Variants in TNRC6B observed in about 807,000 individuals in gnomAD.
The protein encoded by TNRC6B is trinucleotide repeat containing adaptor 6B, also known as trinucleotide repeat-containing gene 6B protein.
In TNRC6B, 52 loss-of-function variants were observed where a neutral mutation model predicts 203.6. The observed-to-expected ratio is 0.26, with a 90% CI of 0.20 to 0.32. TNRC6B has a LOEUF of 0.32. Ranked by LOEUF, TNRC6B falls within the 10% of genes least tolerant of loss-of-function variation. The pLI is 1.00. For synonymous variants in TNRC6B, 838 were observed against 845.7 expected (o/e 0.99, Z 0.16); for missense variants, 1,923 against 2,286.2 (o/e 0.84, Z 3.24).
In TNRC6B at chr22:40,051,183, C is replaced by T. The variant is rs867873989; in HGVS notation, c.-121+6185C>T. Among the ~76,000 whole-genome samples the T allele has an allele frequency of 3.3e-5, 5 of 152,292 alleles. No homozygotes were observed. In the Middle Eastern group the frequency reaches 0.01, roughly 311 times the overall value. Reference sequence around the variant, plus strand: ...CAGTGTCTCCTCTGGGACTTGATCTCACTGTTGGAAGTCTTGCCACAGTGA... The same window carrying T: ...CAGTGTCTCCTCTGGGACTTGATCTTACTGTTGGAAGTCTTGCCACAGTGA... On this transcript the variant is annotated intron_variant, in intron 1 of 23. Transcript: ENST00000301923.
chr22:40,101,299 C>T (rs1186847844), intron 1 of TNRC6B, among the ~76,000 whole-genome samples: 1 of 152,054 alleles, frequency 6.6e-6, no homozygotes, highest in Non-Finnish European at 1.5e-5. Context: ...GCCCCTGCTT[C>T]TTTAAATAAC....
chr22:40,157,374 T>C (rs1414226288), intron 4 of TNRC6B, among the ~76,000 whole-genome samples: 1 of 152,178 alleles, frequency 6.6e-6, no homozygotes, highest in Non-Finnish European at 1.5e-5. Flanking sequence ...AGAAAATAGT[T>C]TAATTTTGGT....
chr22:40,179,916 C>T (rs775948807), intron 1 of TNRC6B, among the ~76,000 whole-genome samples: 1 of 152,146 alleles, frequency 6.6e-6, no homozygotes, highest in Non-Finnish European at 1.5e-5. Context: ...CTGTCTCTAA[C>T]AAGCAAGGAT....
At chr22:40,106,571 T>C in intron 1 of TNRC6B, 1 of 729,496 alleles carries the variant, frequency 1.4e-6, no homozygotes, top group Non-Finnish European at 2.5e-6. Context: ...AGCAATTCGC[T>C]TCTTACTGAA....
intron 1 of TNRC6B, among the ~76,000 whole-genome samples, chr22:40,062,036 T>A (rs2067857886): frequency 6.6e-6 from 1 of 152,074 alleles, no homozygotes; most frequent in Non-Finnish European, 1.5e-5. Flanking sequence ...ATTGTGCCAT[T>A]ACGCTCCAGC....
chr22:40,202,745 C>T (rs1278880769), intron 1 of TNRC6B, among the ~76,000 whole-genome samples: 1 of 152,044 alleles, frequency 6.6e-6, no homozygotes, highest in African/African-American at 2.4e-5. Flanking sequence ...CGAGTGCCTG[C>T]TGGAAGAGGG....
chr22:40,151,066 CAA>C (rs1161920110), intron 3 of TNRC6B, among the ~76,000 whole-genome samples: 1 of 152,114 alleles, frequency 6.6e-6, no homozygotes, highest in African/African-American at 2.4e-5. Context: ...TGACCAAAGA[CAA>C]AAGAGGAACT....
chr22:40,129,048 G>A lies in TNRC6B; in HGVS notation c.45+3186G>A, dbSNP rs1304368920. On this transcript the variant is annotated intron_variant, in intron 3 of 23. Coordinates refer to the TNRC6B transcript ENST00000301923. ...TAGTCAAGGAAGGTCTCTCTGAGAC[G>A]GGGACATTTCAGCTGAAGCTAATGG... is the stretch of plus-strand genomic sequence containing the variant. 3.3e-5 allele frequency among the ~76,000 whole-genome samples: 5 copies of A among 152,342 alleles called. No individual in the cohort carries two copies. In the East Asian group the frequency reaches 5.8e-4, roughly 18 times the overall value.
intron 1 of TNRC6B, among the ~76,000 whole-genome samples, chr22:40,094,028 A>G (rs1014368701): frequency 4.6e-5 from 7 of 152,190 alleles, no homozygotes; most frequent in South Asian, 2.1e-4. Context: ...TGATCATTAC[A>G]TGTTGTATAC....
At chr22:40,245,785 C>T (rs1189862165) in intron 1 of TNRC6B, among the ~76,000 whole-genome samples, 1 of 152,038 alleles carries the variant, frequency 6.6e-6, no homozygotes, top group Non-Finnish European at 1.5e-5. Flanking sequence ...TAATAGGCTT[C>T]TTTGAAACGA....
intron 1 of TNRC6B, among the ~76,000 whole-genome samples, chr22:40,244,017 T>TA (rs1235392725): frequency 1.3e-5 from 2 of 152,146 alleles, no homozygotes; most frequent in African/African-American, 2.4e-5. Context: ...CTGTGGTTGC[T>TA]ACTTTCCTGT....
chr22:40,078,296 A>G (rs1237633526), intron 1 of TNRC6B, among the ~76,000 whole-genome samples: 1 of 152,168 alleles, frequency 6.6e-6, no homozygotes, highest in Non-Finnish European at 1.5e-5. Context: ...GAGAGGTGGG[A>G]AGATTGCTTG....
chr22:40,236,556 A>G (rs1238195269), intron 1 of TNRC6B, among the ~76,000 whole-genome samples: 1 of 152,102 alleles, frequency 6.6e-6, no homozygotes, highest in Non-Finnish European at 1.5e-5. Context: ...TGGAACTAGG[A>G]CCGAAGGTGC....
chr22:40,325,516 G>T lies in TNRC6B; in HGVS notation c.*2275G>T, dbSNP rs1237561688. The T allele has an allele frequency of 6.6e-6, 1 of 152,438 alleles. No homozygotes were observed. The highest frequency in any genetic ancestry group is 1.5e-5 in the Non-Finnish European group (1 of 68,062). The allele number at this position is 152,438 out of a possible 1,614,324, so 9.4% of individuals were successfully genotyped here. On this transcript the variant is annotated 3_prime_UTR_variant, in exon 23 of 23. Transcript: ENST00000454349. ...TAGGTGGTCACACTTGGCATCTGCA[G>T]CATTGACGTGGCCCCGCTGGGTGCC...
intron 12 of TNRC6B, among the ~76,000 whole-genome samples, chr22:40,287,286 G>A (rs1569055088): frequency 6.6e-6 from 1 of 152,204 alleles, no homozygotes; most frequent in Non-Finnish European, 1.5e-5. Context: ...TGGGATGACA[G>A]GCATGAACCA....
In TNRC6B at chr22:40,122,616, T is replaced by C. The variant is rs546924118; in HGVS notation, c.-46-3156T>C. Among the ~76,000 whole-genome samples the C allele has an allele frequency of 2.0e-5, 3 of 152,260 alleles. No individual in the cohort carries two copies. The South Asian group carries it at 6.2e-4, about 32-fold the overall frequency. ...ATTAAAGTAAGATCCTGTTACCTTC[T>C]CTGGAGTGGATTGTGTGCAGGTGGA... On this transcript the variant is annotated intron_variant, in intron 2 of 23. Coordinates refer to the TNRC6B transcript ENST00000301923.
chr22:40,200,782 A>G (rs938536033), intron 1 of TNRC6B, among the ~76,000 whole-genome samples: 1 of 152,126 alleles, frequency 6.6e-6, no homozygotes, highest in Non-Finnish European at 1.5e-5. Flanking sequence ...TGGGAATTAC[A>G]ATGGTCATCA....
intron 15 of TNRC6B, among the ~76,000 whole-genome samples, chr22:40,306,794 T>C (rs1388916924): frequency 2.0e-5 from 3 of 152,166 alleles, no homozygotes; most frequent in Admixed American, 6.5e-5. Context: ...TAGACCAGCC[T>C]TGGCAATAGG....
At chr22:40,068,622 G>C (rs557691109) in intron 1 of TNRC6B, among the ~76,000 whole-genome samples, 1 of 151,606 alleles carries the variant, frequency 6.6e-6, no homozygotes, top group African/African-American at 2.4e-5. Flanking sequence ...CTGGCCTCTT[G>C]GTTTGTTCTT....
Sources: gnomAD v4.1 joint callset for allele counts (sites outside exome capture counted in the v4.1 genomes callset) on GRCh38, gnomAD v4.1.1 for gene constraint, MANE v1.5 for transcripts, NCBI Gene and HGNC (gene_info 2026-07-23, HGNC 2026-07-21) for gene names.